Variants in CSMD2 observed in about 807,000 individuals in gnomAD.
CSMD2 encodes the protein CUB and sushi domain-containing protein 2.
A neutral mutation model predicts 398.5 loss-of-function variants in CSMD2; 130 were observed. The observed-to-expected ratio is 0.33, with a 90% CI of 0.28 to 0.38. CSMD2 has a LOEUF of 0.38. Ranked by LOEUF, CSMD2 falls within the 10% of genes least tolerant of loss-of-function variation. The pLI is 1.00. For synonymous variants in CSMD2, 1,828 were observed against 1,908.5 expected (o/e 0.96, Z 1.10); for missense variants, 3,829 against 4,764.9 (o/e 0.80, Z 5.78).
At chr1:33,562,073 T>C (rs1557539606) in intron 53 of CSMD2, among the ~76,000 whole-genome samples, 1 of 152,080 alleles carries the variant, frequency 6.6e-6, no homozygotes, top group Non-Finnish European at 1.5e-5. Flanking sequence ...AGCAAAAAGC[T>C]CTACAGGAGG....
intron 55 of CSMD2, 101 bp downstream of exon 55, chr1:33,557,633 C>T: frequency 1.0e-6 from 1 of 961,946 alleles, no homozygotes; most frequent in African/African-American, 1.6e-5. Context: ...CACACACACA[C>T]ACACACACAC....
chr1:33,517,694 G>A (rs1370675380), intron 70 of CSMD2, among the ~76,000 whole-genome samples: 1 of 152,182 alleles, frequency 6.6e-6, no homozygotes, highest in Non-Finnish European at 1.5e-5. Context: ...TGTTTGTTTT[G>A]GAGAGACGTA....
At chr1:33,609,585 C>T (rs1490398673) in intron 41 of CSMD2, among the ~76,000 whole-genome samples, 1 of 151,906 alleles carries the variant, frequency 6.6e-6, no homozygotes, top group East Asian at 1.9e-4. Context: ...AGAGCTTTGG[C>T]CTTACTTGTA....
intron 3 of CSMD2, among the ~76,000 whole-genome samples, chr1:34,031,088 AC>A (rs996093751): frequency 2.7e-5 from 4 of 149,634 alleles, no homozygotes; most frequent in African/African-American, 7.4e-5. Context: ...ATTGGTAGGA[AC>A]TTTTTTTTTT....
At chr1:33,892,046 A>AAATAATAAT (rs58301570) in intron 5 of CSMD2, among the ~76,000 whole-genome samples, 304 of 147,272 alleles carry the variant, frequency 2.1e-3, no homozygotes, top group South Asian at 9.2e-3. Flanking sequence ...ACTTAAAGTA[A>AAATAATAAT]AATAATAATA....
chr1:33,631,452 G>A (rs6665319), intron 32 of CSMD2, among the ~76,000 whole-genome samples: 1,894 of 152,212 alleles, frequency 0.012, 44 homozygotes, highest in South Asian at 0.051. Context: ...CTTGCCTAGA[G>A]GAGCCAGGAG....
At chr1:33,780,979 G>T (rs1652683363) in intron 12 of CSMD2, among the ~76,000 whole-genome samples, 1 of 152,242 alleles carries the variant, frequency 6.6e-6, no homozygotes, top group Non-Finnish European at 1.5e-5. Context: ...GAAAGGCGGT[G>T]TCCTAGAGGG....
chr1:33,904,095 C>G (rs1162175234), intron 5 of CSMD2, among the ~76,000 whole-genome samples: 1 of 152,106 alleles, frequency 6.6e-6, no homozygotes, highest in Non-Finnish European at 1.5e-5. Context: ...GGATTTTATT[C>G]TAAATGTGAT....
At chr1:33,555,896 C>T (rs1217763736) in intron 55 of CSMD2, among the ~76,000 whole-genome samples, 1 of 152,008 alleles carries the variant, frequency 6.6e-6, no homozygotes, top group East Asian at 1.9e-4. Context: ...CCAATGTATG[C>T]CTCTATATTA....
intron 13 of CSMD2, among the ~76,000 whole-genome samples, chr1:33,766,378 G>C (rs1436809362): frequency 1.3e-5 from 2 of 152,206 alleles, no homozygotes; most frequent in Non-Finnish European, 2.9e-5. Context: ...CCCATGAGAA[G>C]AGGGGCTGTT....
In CSMD2 at chr1:33,536,292, T is replaced by C. The variant is rs543299750; in HGVS notation, c.9879+730A>G. On this transcript the variant is annotated intron_variant, in intron 62 of 70. Transcript: ENST00000373381. Reference sequence around the variant, plus strand: ...AGGCTGGAGTGCAGTGGTGCGATCTTGGCTCACTGCAAGCTCCGCCTCCTG... The same window carrying C: ...AGGCTGGAGTGCAGTGGTGCGATCTCGGCTCACTGCAAGCTCCGCCTCCTG... Among the ~76,000 whole-genome samples the C allele has an allele frequency of 6.8e-4, 104 of 152,284 alleles. 1 individual carries two copies. The highest frequency in any genetic ancestry group is 2.3e-3 in the African/African-American group (94 of 41,546).
upstream of CSMD2, chr1:34,165,838 C>T (rs755435710): frequency 1.3e-4 from 202 of 1,576,064 alleles, no homozygotes; most frequent in Admixed American, 3.4e-3. Flanking sequence ...TACCCCATCC[C>T]AGGAGAGGGG....
intron 5 of CSMD2, among the ~76,000 whole-genome samples, chr1:33,852,712 C>A (rs61769872): frequency 0.018 from 2,710 of 152,342 alleles, 38 homozygotes; most frequent in Middle Eastern, 0.031. Context: ...GGAATAAAAT[C>A]TTCTTTTTGT....
intron 1 of CSMD2, among the ~76,000 whole-genome samples, chr1:34,117,293 A>AT (rs1661699959): frequency 6.6e-6 from 1 of 152,162 alleles, no homozygotes; most frequent in Non-Finnish European, 1.5e-5. Context: ...TTGATGACAC[A>AT]TAAGTAAAAA....
intron 2 of CSMD2, among the ~76,000 whole-genome samples, chr1:34,059,528 C>A (rs1654225071): frequency 6.6e-6 from 1 of 152,200 alleles, no homozygotes; most frequent in Non-Finnish European, 1.5e-5. Flanking sequence ...AGTTTATTTA[C>A]TAATCTCCCT....
Position 33,542,874 on chromosome 1 carries a change from C to T in CSMD2, c.9123G>A (p.Gly3041=). ...ECGVISCGNP[G]TPSNARVVFS... is the part of the protein sequence containing the mutation. ...ACACAACTCGGGCATTACTTGGAGT[C>T]CCAGGGTTCCCACAAGAGATCACTA... Residue 3041 remains glycine (G), a synonymous_variant, in exon 58 of 71, where the codon GGG becomes GGA. Coordinates refer to ENST00000373381, the MANE Select transcript of CSMD2 (RefSeq NM_001281956.2). 1 of 1,614,116 alleles carries T rather than the reference C, an allele frequency of 6.2e-7. No individual in the cohort carries two copies. The highest frequency in any genetic ancestry group is 8.5e-7 in the Non-Finnish European group (1 of 1,180,012).
chr1:33,645,880 G>A (rs1257038577), intron 29 of CSMD2, among the ~76,000 whole-genome samples: 2 of 152,188 alleles, frequency 1.3e-5, no homozygotes, highest in Non-Finnish European at 2.9e-5. Flanking sequence ...CTCTTAACTG[G>A]GCAGGGACAG....
intron 1 of CSMD2, among the ~76,000 whole-genome samples, chr1:34,155,267 G>A (rs958136463): frequency 2.6e-5 from 4 of 152,294 alleles, no homozygotes; most frequent in East Asian, 3.9e-4. Flanking sequence ...TGCCTTCCAC[G>A]TAACTCAGGA....
chr1:33,610,479 T>C (rs1431925370), intron 41 of CSMD2, among the ~76,000 whole-genome samples: 1 of 151,346 alleles, frequency 6.6e-6, no homozygotes, highest in Admixed American at 6.6e-5. Flanking sequence ...GATGGGGCTC[T>C]TTCCAGGGAA....
Sources: gnomAD v4.1 joint callset for allele counts (sites outside exome capture counted in the v4.1 genomes callset) on GRCh38, gnomAD v4.1.1 for gene constraint, MANE v1.5 for transcripts, NCBI Gene and HGNC (gene_info 2026-07-23, HGNC 2026-07-21) for gene names.